WFDC3: variants seen among roughly 807,000 people sequenced by gnomAD.
WFDC3 encodes the protein WAP four-disulfide core domain 3, also known as WAP four-disulfide core domain protein 3.
WFDC3 carries 15 observed loss-of-function variants against 25.8 expected under a neutral mutation model. That is an observed-to-expected ratio of 0.58 (90% CI 0.39 to 0.89). WFDC3 has a LOEUF of 0.89. WFDC3 is among the 40% of genes least tolerant of loss of function. WFDC3 has a pLI of 0.00. For synonymous variants in WFDC3, 103 were observed against 107.1 expected (o/e 0.96, Z 0.24); for missense variants, 264 against 289.8 (o/e 0.91, Z 0.65).
intron 5 of WFDC3, among the ~76,000 whole-genome samples, chr20:45,776,636 ATATATAT>A (rs1490290883): frequency 8.0e-4 from 63 of 78,382 alleles, no homozygotes; most frequent in South Asian, 5.0e-3. Flanking sequence ...AAAAAAAAAA[ATATATAT>A]ATATATATAT....
intron 4 of WFDC3, among the ~76,000 whole-genome samples, chr20:45,781,067 C>T (rs1240234487): frequency 1.3e-5 from 2 of 148,392 alleles, no homozygotes; most frequent in African/African-American, 5.0e-5. Flanking sequence ...TGTTGAAACC[C>T]TGTCTCTACT....
chr20:45,783,660 G>A lies in WFDC3; in HGVS notation c.358+4176C>T, dbSNP rs148215912. On this transcript the variant is annotated intron_variant, in intron 4 of 6. Transcript: ENST00000243938. The stretch of plus-strand genomic sequence containing the variant: ...TCAGACCCATGTTCAGACTAGAACA[G>A]TGTCATGAGAGCAGGACCCAATGTC... 2.3e-3 allele frequency among the ~76,000 whole-genome samples: 350 copies of A among 152,086 alleles called. 1 individual carries two copies. Among genetic ancestry groups the A allele is most frequent in the Non-Finnish European group, 3.9e-3 (263 of 68,000 alleles).
chr20:45,789,002 T>G lies in WFDC3; in HGVS notation c.140A>C (p.Asp47Ala), dbSNP rs756341675. 6.2e-7 allele frequency: 1 copy of G among 1,613,896 alleles called. No homozygotes were observed. Among genetic ancestry groups the G allele is most frequent in the African/African-American group, 1.3e-5 (1 of 75,012 alleles). Reference protein sequence around the residue: ...KNPCKELCQGDELCPAEQKCC... With the variant: ...KNPCKELCQGAELCPAEQKCC... ...CTTCTGTTCAGCCGGACACAATTCA[T>G]CACCCTGGCACAGCTCTTTGCATGG... is the stretch of plus-strand genomic sequence containing the variant. The change falls in exon 3 of 7, where the codon GAT (aspartate) becomes GCT (alanine). Residue 47 changes from aspartate to alanine, a missense_variant. By Grantham distance (126) the Asp-to-Ala change is moderately radical. Coordinates refer to ENST00000243938, the MANE Select transcript of WFDC3 (RefSeq NM_080614.2).
intron 6 of WFDC3, 99 bp downstream of exon 6, chr20:45,775,318 A>G (rs2145679706): frequency 6.7e-7 from 1 of 1,482,342 alleles, no homozygotes. Context: ...CTCCAACTAG[A>G]CTTTTCCTGA....
At chr20:45,774,769 A>C (rs1488232989) in intron 6 of WFDC3, among the ~76,000 whole-genome samples, 2 of 151,974 alleles carry the variant, frequency 1.3e-5, no homozygotes, top group African/African-American at 4.8e-5. Context: ...ATGGTGAAAC[A>C]CTGTCTCTAC....
intron 4 of WFDC3, among the ~76,000 whole-genome samples, chr20:45,787,093 C>CAAAAA: frequency 3.7e-5 from 1 of 26,816 alleles, no homozygotes; most frequent in Non-Finnish European, 6.6e-5. Context: ...GACTCTCTCT[C>CAAAAA]AAAAAAAAAA....
intron 4 of WFDC3, among the ~76,000 whole-genome samples, chr20:45,785,443 T>A: frequency 7.2e-6 from 1 of 138,326 alleles, no homozygotes; most frequent in East Asian, 2.1e-4. Flanking sequence ...TACTCCTGCC[T>A]GGGCGACAGC....
intron 3 of WFDC3, 104 bp from the exon 4 acceptor site, chr20:45,788,086 C>T: frequency 7.7e-7 from 1 of 1,293,410 alleles, no homozygotes; most frequent in Non-Finnish European, 1.0e-6. Flanking sequence ...GGTGGATCAC[C>T]TGAGGTAGGG....
In WFDC3 at chr20:45,786,820, C is replaced by T. The variant is rs544463537; in HGVS notation, c.358+1016G>A. On this transcript the variant is annotated intron_variant, in intron 4 of 6. Coordinates refer to ENST00000243938, the MANE Select transcript of WFDC3 (RefSeq NM_080614.2). ...ATAAGAATCTCAGGAGCAGGCCAGG[C>T]ATGGTGGCTCACGCCTGTAATCCCA... 1.8e-3 allele frequency among the ~76,000 whole-genome samples: 275 copies of T among 152,088 alleles called. 2 individuals carry two copies. The highest frequency in any genetic ancestry group is 6.3e-3 in the African/African-American group (263 of 41,476).
intron 6 of WFDC3, among the ~76,000 whole-genome samples, chr20:45,775,018 T>C (rs1027156063): frequency 6.7e-6 from 1 of 150,238 alleles, no homozygotes; most frequent in Non-Finnish European, 1.5e-5. Context: ...CTCCCAAACA[T>C]ATCCCACACA....
chr20:45,782,446 C>T lies in WFDC3; in HGVS notation c.359-5237G>A, dbSNP rs570508616. ...AGGCTGGAGTGCAGTGGTGCGATCTCGGCTCTCTGCAACCTCCACCTCCTA... is the reference window on the plus strand; with the variant it reads ...AGGCTGGAGTGCAGTGGTGCGATCTTGGCTCTCTGCAACCTCCACCTCCTA... On this transcript the variant is annotated intron_variant, in intron 4 of 6. Transcript: ENST00000243938. 1.3e-3 allele frequency among the ~76,000 whole-genome samples: 191 copies of T among 151,460 alleles called. 3 individuals carry two copies. The South Asian group carries it at 0.038, about 30-fold the overall frequency.
chr20:45,787,863 C>A lies in WFDC3; in HGVS notation c.331G>T (p.Val111Leu), dbSNP rs1601017972. The A allele has an allele frequency of 6.2e-7, 1 of 1,613,972 alleles. No homozygotes were observed. Among genetic ancestry groups the A allele is most frequent in the South Asian group, 1.1e-5 (1 of 91,052 alleles). The change falls in exon 4 of 7, where the codon GTA (valine) becomes TTA (leucine). Residue 111 changes from valine (V) to leucine (L), a missense_variant. Coordinates refer to ENST00000243938, the MANE Select transcript of WFDC3 (RefSeq NM_080614.2). ...CCTLGCNKSC[V>L]VPISKQKLAE... ...AGCTTCTGTTTAGAGATTGGGACTA[C>A]ACAGCTCTTGTTGCAGCCAAGCGTG...
At chr20:45,785,584 C>T (rs1980634055) in intron 4 of WFDC3, among the ~76,000 whole-genome samples, 1 of 151,586 alleles carries the variant, frequency 6.6e-6, no homozygotes, top group Admixed American at 6.6e-5. Context: ...AACATCACTC[C>T]AGTGAACGTA....
chr20:45,787,696 TGTGCACCC>T (rs1601017797), intron 4 of WFDC3, 132 bp downstream of exon 4: 11 of 1,166,900 alleles, frequency 9.4e-6, no homozygotes, highest in East Asian at 5.7e-5. Context: ...GATTATGGCT[TGTGCACCC>T]TTTGTATATC....
chr20:45,774,986 C>G (rs958632831), intron 6 of WFDC3, among the ~76,000 whole-genome samples: 1 of 151,660 alleles, frequency 6.6e-6, no homozygotes, highest in African/African-American at 2.4e-5. Flanking sequence ...GTTCCTTTAC[C>G]CACCCTGCCC....
At chr20:45,785,354 C>T (rs1980620955) in intron 4 of WFDC3, among the ~76,000 whole-genome samples, 1 of 151,638 alleles carries the variant, frequency 6.6e-6, no homozygotes. Context: ...CCTGCAATCC[C>T]AGCTACTCAG....
chr20:45,782,408 G>A (rs10854234), intron 4 of WFDC3, among the ~76,000 whole-genome samples: 4,494 of 149,602 alleles, frequency 0.03, 180 homozygotes, highest in Admixed American at 0.12. Flanking sequence ...ATGGAGTTTC[G>A]CTCTTGTTGC....
intron 4 of WFDC3, among the ~76,000 whole-genome samples, 169 bp downstream of exon 4, chr20:45,787,667 C>T (rs1225605358): frequency 6.6e-6 from 1 of 151,930 alleles, no homozygotes; most frequent in Non-Finnish European, 1.5e-5. Flanking sequence ...TCTGCCTGCC[C>T]AGGCTACATA....
chr20:45,783,784 C>T (rs573765362), intron 4 of WFDC3, among the ~76,000 whole-genome samples: 21 of 152,074 alleles, frequency 1.4e-4, no homozygotes, highest in Non-Finnish European at 2.9e-4. Context: ...TTAAGGAAAG[C>T]GAAATTTTTC....
Sources: allele counts gnomAD v4.1 joint callset (sites outside exome capture counted in the v4.1 genomes callset), GRCh38; gene constraint gnomAD v4.1.1; transcripts MANE v1.5; gene names NCBI Gene and HGNC (gene_info 2026-07-23, HGNC 2026-07-21).